Variants in EPG5 observed in about 807,000 individuals in gnomAD.
EPG5 encodes ectopic P-granules 5 autophagy tethering factor, also known as ectopic P granules protein 5 homolog.
In EPG5, 159 loss-of-function variants were observed where a neutral mutation model predicts 302.7. The ratio of observed to expected loss-of-function variants is 0.53; its 90% CI spans 0.46 to 0.60. The LOEUF is 0.60. Among genes scored for constraint, EPG5 ranks in the 20% least tolerant of loss-of-function variants. EPG5 has a pLI of 0.00. For missense variants in EPG5, 2,896 were observed against 3,092.4 expected (o/e 0.94, Z 1.51); for synonymous variants, 1,158 against 1,136.8 (o/e 1.02, Z -0.37).
chr18:45,823,227 T>C, the EPG5 span, among the ~76,000 whole-genome samples: 1 of 152,064 alleles, frequency 6.6e-6, no homozygotes, highest in Non-Finnish European at 1.5e-5. Flanking sequence ...GGGAGGTGCT[T>C]TAACAACAAA....
chr18:45,940,259 T>A (rs991356990), intron 9 of EPG5, among the ~76,000 whole-genome samples: 1 of 152,018 alleles, frequency 6.6e-6, no homozygotes, highest in Non-Finnish European at 1.5e-5. Flanking sequence ...TGCTGAGAGG[T>A]AGACTGGCTG....
chr18:45,859,860 G>A (rs1280023751), intron 40 of EPG5, among the ~76,000 whole-genome samples: 1 of 152,188 alleles, frequency 6.6e-6, no homozygotes, highest in Non-Finnish European at 1.5e-5. Flanking sequence ...AACGTGAAGT[G>A]GATTAGAGCT....
chr18:45,900,102 T>C (rs9960220), intron 26 of EPG5, among the ~76,000 whole-genome samples: 38,806 of 152,034 alleles, frequency 0.26, 6,003 homozygotes, highest in African/African-American at 0.41. Context: ...AAAAAAATAC[T>C]GATAAGAAAT....
chr18:45,886,825 AT>A, intron 29 of EPG5, among the ~76,000 whole-genome samples: 1 of 152,172 alleles, frequency 6.6e-6, no homozygotes, highest in Non-Finnish European at 1.5e-5. Context: ...CACCCAGCTA[AT>A]TTTGTATTTA....
chr18:45,950,335 T>C (rs2050878677), intron 4 of EPG5, among the ~76,000 whole-genome samples: 1 of 152,180 alleles, frequency 6.6e-6, no homozygotes, highest in Admixed American at 6.5e-5. Flanking sequence ...TTCTTCTCCA[T>C]TGTGGGAGAG....
intron 39 of EPG5, among the ~76,000 whole-genome samples, chr18:45,863,005 AT>A (rs199708167): frequency 6.6e-6 from 1 of 151,596 alleles, no homozygotes; most frequent in African/African-American, 2.4e-5. Context: ...TTAGTTACTG[AT>A]TTTTTTTTCT....
chr18:45,830,438 T>C, the EPG5 span, among the ~76,000 whole-genome samples: 1 of 152,158 alleles, frequency 6.6e-6, no homozygotes, highest in African/African-American at 2.4e-5. Context: ...CTTCCTCCTT[T>C]AGATTGGTCA....
Position 45,852,453 on chromosome 18 carries a change from A to T in EPG5, c.*14T>A, listed in dbSNP as rs556001850. The T allele has an allele frequency of 1.3e-6, 2 of 1,596,456 alleles. No individual in the cohort carries two copies. The highest frequency in any genetic ancestry group is 3.6e-5 in the Admixed American group (2 of 55,410). On this transcript the variant is annotated 3_prime_UTR_variant, in exon 44 of 44. Coordinates refer to ENST00000282041, the MANE Select transcript of EPG5 (RefSeq NM_020964.3). The stretch of plus-strand genomic sequence containing the variant: ...CATAAACAGCAATGGGTTTTTCAAG[A>T]GCCTCAGTGTTAACTATCGTATGTG...
chr18:45,956,024 A>G (rs1436175081), intron 1 of EPG5, among the ~76,000 whole-genome samples: 2 of 152,254 alleles, frequency 1.3e-5, no homozygotes, highest in South Asian at 2.1e-4. Context: ...TAAGGGAAAC[A>G]GAGTATCTGC....
In EPG5 at chr18:45,908,760, C is replaced by T. The variant is rs549350354; in HGVS notation, c.4206-679G>A. ...GGTCAGGAGTTCGAGATAAGCCTGA[C>T]CAACATGGTGAAAGCTTGTCTCTAC... On this transcript the variant is annotated intron_variant, in intron 23 of 43. Coordinates refer to ENST00000282041, the MANE Select transcript of EPG5 (RefSeq NM_020964.3). Among the ~76,000 whole-genome samples the T allele has an allele frequency of 6.6e-5, 10 of 152,202 alleles. No homozygotes were observed. In the South Asian group the frequency reaches 2.1e-3, roughly 32 times the overall value.
chr18:45,805,181 T>C, the EPG5 span, among the ~76,000 whole-genome samples: 1 of 152,050 alleles, frequency 6.6e-6, no homozygotes, highest in African/African-American at 2.4e-5. Context: ...TATGGTACCC[T>C]AGATTGGCTC....
chr18:45,937,369 C>CAT (rs748819547), intron 10 of EPG5, among the ~76,000 whole-genome samples: 83 of 150,764 alleles, frequency 5.5e-4, no homozygotes, highest in East Asian at 9.7e-4. Flanking sequence ...TATACACACA[C>CAT]ACATATATAT....
chr18:45,956,961 AAGTT>A (rs1248135369), intron 1 of EPG5, among the ~76,000 whole-genome samples: 6 of 151,908 alleles, frequency 3.9e-5, no homozygotes, highest in African/African-American at 1.5e-4. Flanking sequence ...AGATAACAGG[AAGTT>A]AGGCTGAATA....
At chr18:45,824,458 A>G in the EPG5 span, among the ~76,000 whole-genome samples, 9 of 152,336 alleles carry the variant, frequency 5.9e-5, no homozygotes, top group South Asian at 2.1e-4. Context: ...TGCCCGCCTC[A>G]GCCTCCCAAC....
At position 45,954,437 on chromosome 18, in the gene EPG5, T is replaced by C. The variant is rs1424774896; in HGVS notation, c.965A>G (p.Lys322Arg). 3.7e-6 allele frequency: 6 copies of C among 1,613,762 alleles called. No homozygotes were observed. In the East Asian group the frequency reaches 1.3e-4, roughly 36 times the overall value. The change falls in exon 2 of 44, where the codon AAA becomes AGA. Residue 322 changes from lysine (K) to arginine (R), a missense_variant. By Grantham distance (26) the Lys-to-Arg change is conservative. Coordinates refer to ENST00000282041, the MANE Select transcript of EPG5 (RefSeq NM_020964.3). ...LTLTSDCQNAKSRLWQFKEEQ... is the reference protein window; with the variant it reads ...LTLTSDCQNARSRLWQFKEEQ... ...CTCCTTAAACTGCCACAGCCGACTT[T>C]TAGCATTTTGGCAATCAGATGTCAG...
the EPG5 span, among the ~76,000 whole-genome samples, chr18:45,819,451 C>G: frequency 2.6e-5 from 4 of 152,108 alleles, no homozygotes; most frequent in Non-Finnish European, 5.9e-5. Flanking sequence ...AGTTCAGCAG[C>G]TGAGAAGTTC....
intron 34 of EPG5, among the ~76,000 whole-genome samples, chr18:45,877,161 C>T (rs186475059): frequency 2.0e-5 from 3 of 152,160 alleles, no homozygotes; most frequent in Admixed American, 2.0e-4. Flanking sequence ...CTTTGGGAGG[C>T]AGAAGTGGGC....
chr18:45,943,612 T>G (rs911821728), intron 8 of EPG5, among the ~76,000 whole-genome samples: 1 of 152,022 alleles, frequency 6.6e-6, no homozygotes, highest in African/African-American at 2.4e-5. Context: ...GAAACCCGAG[T>G]TGGAGCCTAC....
Position 45,929,019 on chromosome 18 carries a change from G to A in EPG5, c.2413-10C>T, listed in dbSNP as rs1207017592. The A allele has an allele frequency of 6.2e-7, 1 of 1,611,682 alleles. No individual in the cohort carries two copies. The highest frequency in any genetic ancestry group is 8.5e-7 in the Non-Finnish European group (1 of 1,178,878). On this transcript the variant is annotated splice_polypyrimidine_tract_variant and intron_variant, in intron 12 of 43. Coordinates refer to ENST00000282041, the MANE Select transcript of EPG5 (RefSeq NM_020964.3). ...AGGTGACATAAGATACCTAAATGGG[G>A]GGAAGGGGGAAGAAGATGGCACTTT... is the stretch of plus-strand genomic sequence containing the variant.
Sources: allele counts gnomAD v4.1 joint callset (sites outside exome capture counted in the v4.1 genomes callset), GRCh38; gene constraint gnomAD v4.1.1; transcripts MANE v1.5; gene names NCBI Gene and HGNC (gene_info 2026-07-23, HGNC 2026-07-21).